Variants in DLGAP5 observed in about 807,000 individuals in gnomAD.
DLGAP5 encodes the protein DLG associated protein 5, also known as disks large-associated protein 5.
Under a neutral mutation model 99.6 loss-of-function variants are expected in DLGAP5, and 90 were observed. The ratio of observed to expected loss-of-function variants is 0.90; its 90% confidence interval spans 0.76 to 1.08. The LOEUF (loss-of-function observed/expected upper bound fraction) is 1.08. Ranked by LOEUF, DLGAP5 falls within the 50% of genes least tolerant of loss-of-function variation. The pLI, the probability that DLGAP5 is intolerant of heterozygous loss-of-function variation, is 0.00. For missense variants in DLGAP5, 1,036 were observed against 983.5 expected, an observed-to-expected ratio of 1.05 and a Z score of -0.71; for synonymous variants, 311 against 321.3, an observed-to-expected ratio of 0.97 and a Z score of 0.34.
At chr14:55,167,109 C>T (rs1001650394) in intron 12 of DLGAP5, among the ~76,000 whole-genome samples, 2 of 151,548 alleles carry the variant, frequency 1.3e-5, no homozygotes, top group Admixed American at 1.3e-4. Context: ...CAAAAATTAG[C>T]CTGGCGTGGT....
intron 13 of DLGAP5, among the ~76,000 whole-genome samples, chr14:55,159,628 G>A (rs1353759488): frequency 6.6e-6 from 1 of 152,108 alleles, no homozygotes; most frequent in Non-Finnish European, 1.5e-5. Context: ...TATGAGACAG[G>A]GCAACATTGG....
At chr14:55,172,577 G>T (rs1267869582) in intron 10 of DLGAP5, among the ~76,000 whole-genome samples, 7 of 151,946 alleles carry the variant, frequency 4.6e-5, no homozygotes, top group Non-Finnish European at 8.8e-5. Flanking sequence ...TGAGCCAAGA[G>T]CGAGACACTG....
intron 3 of DLGAP5, 95 bp downstream of exon 3, chr14:55,183,465 T>C: frequency 1.1e-6 from 1 of 905,026 alleles, no homozygotes; most frequent in Non-Finnish European, 1.5e-6. Context: ...AACCAGTTAA[T>C]AATGAGACTA....
At chr14:55,179,147 T>C (rs930631154) in intron 7 of DLGAP5, among the ~76,000 whole-genome samples, 1 of 152,206 alleles carries the variant, frequency 6.6e-6, no homozygotes, top group African/African-American at 2.4e-5. Flanking sequence ...TTAGAAACCA[T>C]GCTAGATGCA....
intron 8 of DLGAP5, 76 bp downstream of exon 8, chr14:55,176,986 A>G (rs1266391901): frequency 2.0e-5 from 18 of 918,412 alleles, no homozygotes; most frequent in African/African-American, 2.3e-5. Flanking sequence ...GAAAAAAAAA[A>G]AAAAAAAAAA....
chr14:55,175,516 A>G, intron 9 of DLGAP5, 44 bp from the exon 10 acceptor site: 1 of 1,117,310 alleles, frequency 9.0e-7, no homozygotes, highest in Non-Finnish European at 1.3e-6. Flanking sequence ...CAAAGCAACA[A>G]TTCCTAAAAT....
In DLGAP5 at chr14:55,163,082, A is replaced by AT. The variant is rs1882505399; in HGVS notation, c.1549-8dup. 6.4e-7 allele frequency: 1 copy of AT among 1,555,976 alleles called. No individual in the cohort carries two copies. Among genetic ancestry groups the AT allele is most frequent in the Non-Finnish European group, 8.8e-7 (1 of 1,142,220 alleles). On this transcript the variant is annotated splice_region_variant and splice_polypyrimidine_tract_variant and intron_variant, in intron 12 of 18. Coordinates refer to ENST00000247191, the MANE Select transcript of DLGAP5 (RefSeq NM_014750.5). Reference sequence around the variant, plus strand: ...TGTGGATTACATCTTCTATCTGTTAATAAAGCACAAGTTTACCAGATTAAT... The same window carrying AT: ...TGTGGATTACATCTTCTATCTGTTAATTAAAGCACAAGTTTACCAGATTAAT...
At position 55,175,393 on chromosome 14, in the gene DLGAP5, T is replaced by A. The variant is rs1383576232; in HGVS notation, c.1254A>T (p.Arg418Ser). 2 of 1,608,784 alleles carry A rather than the reference T, an allele frequency of 1.2e-6. No homozygotes were observed. The highest frequency in any genetic ancestry group is 2.7e-5 in the African/African-American group (2 of 74,776). ...GGGGCTGAGCAATTCGACCTTCATT[T>A]CTTTCAAGTGATGGGACTTCTTTTA... Reference protein sequence around the residue: ...LPIKEVPSLERNEGRIAQPHH... With the variant: ...LPIKEVPSLESNEGRIAQPHH... Residue 418 changes from arginine to serine, a missense_variant, in exon 10 of 19, where the codon AGA (arginine) becomes AGT (serine). Coordinates refer to ENST00000247191, the MANE Select transcript of DLGAP5 (RefSeq NM_014750.5).
chr14:55,175,420 T>C lies in DLGAP5; in HGVS notation c.1227A>G (p.Pro409=), dbSNP rs1594677724. ...EATTKNLNGL[P]IKEVPSLERN... ...TTTCAAGTGATGGGACTTCTTTTAT[T>C]GGAAGGCCATTTAAATTTTTAGTAG... is the stretch of plus-strand genomic sequence containing the variant. The change falls in exon 10 of 19, where the codon CCA becomes CCG. Residue 409 remains proline, a synonymous_variant. Coordinates refer to ENST00000247191, the MANE Select transcript of DLGAP5 (RefSeq NM_014750.5). 1.9e-6 allele frequency: 3 copies of C among 1,561,852 alleles called. No individual in the cohort carries two copies. In the East Asian group the frequency reaches 6.8e-5, roughly 35 times the overall value.
chr14:55,151,453 G>A (rs1008359418), intron 17 of DLGAP5, among the ~76,000 whole-genome samples: 3 of 151,890 alleles, frequency 2.0e-5, no homozygotes, highest in African/African-American at 7.3e-5. Context: ...CAACCTGGGA[G>A]GTGGAGGTTG....
chr14:55,176,599 G>T (rs545906138), intron 8 of DLGAP5, among the ~76,000 whole-genome samples: 22 of 131,608 alleles, frequency 1.7e-4, no homozygotes, highest in African/African-American at 8.8e-4. Context: ...ACCTTCTGAA[G>T]AATTTTTTTT....
chr14:55,188,436 A>T (rs1317544378), intron 2 of DLGAP5, among the ~76,000 whole-genome samples: 1 of 152,108 alleles, frequency 6.6e-6, no homozygotes, highest in Non-Finnish European at 1.5e-5. Context: ...AAGTACTCTC[A>T]TTTCATGGAT....
At chr14:55,167,242 A>G (rs1882675831) in intron 12 of DLGAP5, among the ~76,000 whole-genome samples, 1 of 143,456 alleles carries the variant, frequency 7.0e-6, no homozygotes, top group South Asian at 2.2e-4. Flanking sequence ...TGACAAAGCA[A>G]GACTCCATCT....
chr14:55,170,751 T>G lies in DLGAP5; in HGVS notation c.1338A>C (p.Ser446=). 6.2e-7 allele frequency: 1 copy of G among 1,613,750 alleles called. No individual in the cohort carries two copies. Among genetic ancestry groups the G allele is most frequent in the Non-Finnish European group, 8.5e-7 (1 of 1,179,776 alleles). Residue 446 remains serine, a synonymous_variant, in exon 11 of 19, where the codon TCA becomes TCC. Coordinates refer to ENST00000247191, the MANE Select transcript of DLGAP5 (RefSeq NM_014750.5). ...ILQSETEKLT[S]HCFEWDRKLE... is the part of the protein sequence containing the mutation. ...GTTTCCTGTCCCACTCGAAGCAATGTGAAGTTAATTTCTCAGTTTCTGACT... is the reference window on the plus strand; with the variant it reads ...GTTTCCTGTCCCACTCGAAGCAATGGGAAGTTAATTTCTCAGTTTCTGACT...
rs181058858 is a variant in DLGAP5, at chr14:55,187,056, G to A, written c.238+1886C>T. 2.4e-3 allele frequency among the ~76,000 whole-genome samples: 369 copies of A among 151,988 alleles called. 2 individuals are homozygous for A. Among genetic ancestry groups the A allele is most frequent in the Non-Finnish European group, 3.2e-3 (214 of 67,934 alleles). ...CCCAAGTAGCTGGGACTACAGGCAC[G>A]CGCCACACCCAGCTGATTTTTGTAT... On this transcript the variant is annotated intron_variant, in intron 2 of 18. Coordinates refer to ENST00000247191, the MANE Select transcript of DLGAP5 (RefSeq NM_014750.5).
intron 8 of DLGAP5, among the ~76,000 whole-genome samples, chr14:55,176,478 T>G (rs1883064776): frequency 6.6e-6 from 1 of 152,172 alleles, no homozygotes; most frequent in African/African-American, 2.4e-5. Flanking sequence ...TTTCTTCTTT[T>G]GAAAAATGTA....
At chr14:55,162,522 G>C (rs1002793560) in intron 13 of DLGAP5, among the ~76,000 whole-genome samples, 7 of 151,948 alleles carry the variant, frequency 4.6e-5, no homozygotes, top group African/African-American at 1.7e-4. Context: ...GGGAGGCTGA[G>C]GCAGGAGAAT....
intron 8 of DLGAP5, among the ~76,000 whole-genome samples, chr14:55,176,493 T>G (rs1243301458): frequency 6.6e-6 from 1 of 152,174 alleles, no homozygotes; most frequent in Non-Finnish European, 1.5e-5. Context: ...AATGTATGTG[T>G]TATAATTAAG....
At chr14:55,158,394 C>A (rs1412830400) in intron 14 of DLGAP5, 128 bp downstream of exon 14, 1 of 741,998 alleles carries the variant, frequency 1.3e-6, no homozygotes, top group East Asian at 2.7e-5. Flanking sequence ...CTAAAAATCA[C>A]AGAAAAACTT....
Sources: allele counts gnomAD v4.1 joint callset (sites outside exome capture counted in the v4.1 genomes callset), GRCh38; gene constraint gnomAD v4.1.1; transcripts MANE v1.5; gene names NCBI Gene and HGNC (gene_info 2026-07-23, HGNC 2026-07-21).